The following C3orf20 variants were observed in gnomAD, a reference collection of about 807,000 sequenced individuals.
C3orf20 encodes family with sequence similarity 149 member C.
A neutral mutation model predicts 88.3 loss-of-function variants in C3orf20; 76 were observed. That is an observed-to-expected ratio of 0.86 (90% confidence interval 0.72 to 1.04). The LOEUF (loss-of-function observed/expected upper bound fraction) is 1.04. Ranked by LOEUF, C3orf20 falls within the 50% of genes least tolerant of loss-of-function variation. C3orf20 has a pLI of 0.00. For synonymous variants in C3orf20, 436 were observed against 437.4 expected (o/e 1.00, Z 0.04); for missense variants, 1,056 against 1,123.3 (o/e 0.94, Z 0.86).
intron 10 of C3orf20, among the ~76,000 whole-genome samples, chr3:14,725,826 T>A (rs1164382205): frequency 6.7e-6 from 1 of 150,084 alleles, no homozygotes; most frequent in East Asian, 2.0e-4. Flanking sequence ...AAATGATAGA[T>A]CTTCCTCTCA....
chr3:14,722,597 C>A (rs1449347393), intron 10 of C3orf20: 1 of 456,488 alleles, frequency 2.2e-6, no homozygotes, highest in South Asian at 1.5e-5. Context: ...CTGCTCAGCC[C>A]CCCTGGCCGT....
At chr3:14,705,413 A>G (rs1056625708) in intron 7 of C3orf20, among the ~76,000 whole-genome samples, 1 of 152,196 alleles carries the variant, frequency 6.6e-6, no homozygotes, top group African/African-American at 2.4e-5. Flanking sequence ...GAGTCTGATT[A>G]TTTTCTTCAC....
chr3:14,721,764 G>A lies in C3orf20; in HGVS notation c.1546G>A (p.Gly516Arg), dbSNP rs1269769957. 1.9e-6 allele frequency: 3 copies of A among 1,614,070 alleles called. No individual in the cohort carries two copies. The highest frequency in any genetic ancestry group is 2.2e-5 in the East Asian group (1 of 44,890). The change falls in exon 10 of 17, where the codon GGA becomes AGA. Residue 516 changes from glycine (G) to arginine (R), a missense_variant. Gly to Arg is a moderately radical substitution (Grantham distance 125). Coordinates refer to ENST00000253697, the MANE Select transcript of C3orf20 (RefSeq NM_032137.5). ...LTVSANNCPHGMAYDKRLNRR... is the reference protein window; with the variant it reads ...LTVSANNCPHRMAYDKRLNRR... ...TGTGTCGGCCAACAATTGTCCCCAT[G>A]GAATGGCATATGACAAACGGGTAAG...
intron 10 of C3orf20, among the ~76,000 whole-genome samples, chr3:14,723,773 A>G (rs1473310505): frequency 6.8e-6 from 1 of 146,214 alleles, no homozygotes; most frequent in Non-Finnish European, 1.5e-5. Flanking sequence ...CTAAAAGGCC[A>G]TTGGTTTTAT....
At chr3:14,688,618 G>C (rs1284005100) in intron 4 of C3orf20, among the ~76,000 whole-genome samples, 1 of 151,678 alleles carries the variant, frequency 6.6e-6, no homozygotes, top group Non-Finnish European at 1.5e-5. Context: ...CTTCCCTCCT[G>C]TCCTGATACC....
Position 14,701,311 on chromosome 3 carries a change from G to C in C3orf20, c.746-1819G>C, listed in dbSNP as rs888472628. ...GAGGGCTCCATTCTGAGGCCCTCAG[G>C]GTTTCAGTTAGAGCCTGAGAAATGC... On this transcript the variant is annotated intron_variant, in intron 5 of 16. Coordinates refer to ENST00000253697, the MANE Select transcript of C3orf20 (RefSeq NM_032137.5). The surrounding 1 kb of genome is among the most constrained non-coding windows in gnomAD (Gnocchi z 4.6). 6.6e-6 allele frequency among the ~76,000 whole-genome samples: 1 copy of C among 152,156 alleles called. No individual in the cohort carries two copies. The highest frequency in any genetic ancestry group is 6.5e-5 in the Admixed American group (1 of 15,276).
chr3:14,724,816 T>C (rs943319470), intron 10 of C3orf20, among the ~76,000 whole-genome samples: 1 of 152,240 alleles, frequency 6.6e-6, no homozygotes, highest in African/African-American at 2.4e-5. Flanking sequence ...TAGTGGATCA[T>C]GCTGGGCTAG....
chr3:14,767,402 G>A (rs2035743649), intron 15 of C3orf20: 1 of 152,336 alleles, frequency 6.6e-6, no homozygotes, highest in African/African-American at 2.4e-5. Context: ...AGCCAGGGTA[G>A]GGAGGTGCCC....
intron 12 of C3orf20, among the ~76,000 whole-genome samples, chr3:14,737,830 A>G (rs1255698197): frequency 6.6e-6 from 1 of 152,232 alleles, no homozygotes; most frequent in Non-Finnish European, 1.5e-5. Flanking sequence ...TTTATCAACT[A>G]AGTTTATGTA....
intron 12 of C3orf20, among the ~76,000 whole-genome samples, chr3:14,746,504 T>C (rs1246086012): frequency 6.6e-6 from 1 of 152,222 alleles, no homozygotes; most frequent in Non-Finnish European, 1.5e-5. Flanking sequence ...ACGAGATAAC[T>C]GCAACATATA....
intron 1 of C3orf20, among the ~76,000 whole-genome samples, chr3:14,680,023 C>T (rs556940668): frequency 1.3e-5 from 2 of 152,284 alleles, no homozygotes; most frequent in African/African-American, 4.8e-5. Context: ...ATAACAAGTG[C>T]TGGCAAAGAG....
Position 14,759,898 on chromosome 3 carries a change from A to G in C3orf20, c.2252A>G (p.Tyr751Cys). Residue 751 changes from tyrosine to cysteine, a missense_variant, in exon 14 of 17, where the codon TAT becomes TGT. Tyr to Cys is a radical substitution (Grantham distance 194). Coordinates refer to ENST00000253697, the MANE Select transcript of C3orf20 (RefSeq NM_032137.5). ...GRGSPCIQCR[Y>C]DSYRLLQYDL... is the part of the protein sequence containing the mutation. ...ATATTTCTCTCCTGGTAGTGCCGGTATGACTCCTACCGCCTGCTGCAGTAT... is the reference window on the plus strand; with the variant it reads ...ATATTTCTCTCCTGGTAGTGCCGGTGTGACTCCTACCGCCTGCTGCAGTAT... The G allele has an allele frequency of 1.9e-6, 3 of 1,613,804 alleles. No individual in the cohort carries two copies. The highest frequency in any genetic ancestry group is 2.2e-5 in the South Asian group (2 of 91,076).
At chr3:14,751,255 G>A (rs945492840) in intron 12 of C3orf20, among the ~76,000 whole-genome samples, 5 of 152,180 alleles carry the variant, frequency 3.3e-5, no homozygotes, top group Non-Finnish European at 7.3e-5. Context: ...TTAAGTGGTT[G>A]AAGATGGCTG....
intron 10 of C3orf20, among the ~76,000 whole-genome samples, chr3:14,724,254 ATTAT>A (rs1487914080): frequency 2.0e-5 from 3 of 152,312 alleles, no homozygotes; most frequent in East Asian, 3.9e-4. Context: ...ATATTAGAAA[ATTAT>A]TTATTCTCAT....
At chr3:14,677,819 C>T (rs1210647188) in intron 1 of C3orf20, among the ~76,000 whole-genome samples, 2 of 152,066 alleles carry the variant, frequency 1.3e-5, no homozygotes, top group Non-Finnish European at 2.9e-5. Context: ...CTTTTTTGAT[C>T]GTAGGCAGAA....
At chr3:14,720,259 T>C (rs934903270) in intron 9 of C3orf20, among the ~76,000 whole-genome samples, 33 of 152,324 alleles carry the variant, frequency 2.2e-4, no homozygotes, top group African/African-American at 7.9e-4. Context: ...CTCGATCTCC[T>C]GACCTCGTGA....
At chr3:14,765,826 A>G (rs890396145) in intron 15 of C3orf20, among the ~76,000 whole-genome samples, 1 of 152,214 alleles carries the variant, frequency 6.6e-6, no homozygotes, top group African/African-American at 2.4e-5. Flanking sequence ...GCCGCCATGG[A>G]GAGGCAAGGG....
chr3:14,697,318 C>A (rs1287559581), intron 5 of C3orf20, among the ~76,000 whole-genome samples: 2 of 152,146 alleles, frequency 1.3e-5, no homozygotes, highest in East Asian at 3.9e-4. Flanking sequence ...CTTAAATTTG[C>A]CCTTTTGAGG....
At chr3:14,747,714 A>G (rs1253113589) in intron 12 of C3orf20, among the ~76,000 whole-genome samples, 4 of 152,158 alleles carry the variant, frequency 2.6e-5, no homozygotes, top group East Asian at 1.9e-4. Flanking sequence ...AGTCTCATCA[A>G]TTTTGGTCTG....
Sources: gnomAD v4.1 joint callset for allele counts (sites outside exome capture counted in the v4.1 genomes callset) on GRCh38, gnomAD v4.1.1 for gene constraint, Gnocchi (gnomAD v3.1) non-coding constraint, MANE v1.5 for transcripts, NCBI Gene and HGNC (gene_info 2026-07-23, HGNC 2026-07-21) for gene names.